Variants in TRHDE observed in about 807,000 individuals in gnomAD.
The protein encoded by TRHDE is thyrotropin releasing hormone degrading enzyme, also known as thyrotropin-releasing hormone-degrading ectoenzyme.
Under a neutral mutation model 125.7 loss-of-function variants are expected in TRHDE, and 72 were observed. The observed-to-expected ratio is 0.57, with a 90% CI of 0.47 to 0.70. The LOEUF (loss-of-function observed/expected upper bound fraction) is 0.70, where lower values mean the gene tolerates loss of function less well. Ranked by LOEUF, TRHDE falls within the 30% of genes least tolerant of loss-of-function variation. The pLI is 0.00. For synonymous variants in TRHDE, 509 were observed against 509.1 expected (o/e 1.00, Z 0.00); for missense variants, 1,110 against 1,327.1 (o/e 0.84, Z 2.54).
At chr12:72,320,455 A>T (rs1332403632) in intron 2 of TRHDE, among the ~76,000 whole-genome samples, 1 of 152,056 alleles carries the variant, frequency 6.6e-6, no homozygotes, top group Non-Finnish European at 1.5e-5. Context: ...TTCAGTGCAG[A>T]TGCAACCATC....
intron 2 of TRHDE, among the ~76,000 whole-genome samples, chr12:72,339,570 A>G (rs1488374059): frequency 6.6e-6 from 1 of 152,092 alleles, no homozygotes; most frequent in Middle Eastern, 3.2e-3. Flanking sequence ...TTTTGCTCTC[A>G]TAGTTATGTT....
At chr12:72,297,650 GAA>G (rs373094670) in intron 2 of TRHDE, among the ~76,000 whole-genome samples, 27 of 152,290 alleles carry the variant, frequency 1.8e-4, no homozygotes, top group African/African-American at 5.8e-4. Context: ...AACACTGAAA[GAA>G]GAGAGTTGTT....
chr12:72,145,840 A>G (rs1248209507), intron 2 of TRHDE, among the ~76,000 whole-genome samples: 1 of 152,202 alleles, frequency 6.6e-6, no homozygotes, highest in Non-Finnish European at 1.5e-5. Flanking sequence ...CAGTGCATGT[A>G]GTGCCCAAAT....
chr12:72,498,650 C>G (rs999726762), intron 5 of TRHDE, among the ~76,000 whole-genome samples: 1 of 152,154 alleles, frequency 6.6e-6, no homozygotes, highest in Non-Finnish European at 1.5e-5. Context: ...CTAGCTGTTT[C>G]TTTAAAGCAG....
intron 2 of TRHDE, among the ~76,000 whole-genome samples, chr12:72,106,629 C>T (rs1254418803): frequency 6.6e-6 from 1 of 152,050 alleles, no homozygotes; most frequent in Non-Finnish European, 1.5e-5. Context: ...CTGTTTGAAA[C>T]CTTGACTATT....
At chr12:72,539,015 C>G (rs1565782935) in intron 6 of TRHDE, among the ~76,000 whole-genome samples, 1 of 151,890 alleles carries the variant, frequency 6.6e-6, no homozygotes, top group African/African-American at 2.4e-5. Context: ...GTGATTTCCA[C>G]TTTCACGCCT....
chr12:72,519,493 A>G (rs1177537489), intron 6 of TRHDE, among the ~76,000 whole-genome samples: 3 of 152,122 alleles, frequency 2.0e-5, no homozygotes, highest in Non-Finnish European at 2.9e-5. Context: ...TTTCAGCTCC[A>G]TCAGCTCCTT....
intron 3 of TRHDE, among the ~76,000 whole-genome samples, chr12:72,386,223 G>C (rs539795165): frequency 6.6e-6 from 1 of 152,226 alleles, no homozygotes; most frequent in East Asian, 1.9e-4. Flanking sequence ...ACCTAATCAG[G>C]GTGTATTTTA....
intron 9 of TRHDE, 147 bp from the exon 10 acceptor site, chr12:72,568,421 A>T (rs1343505101): frequency 2.1e-6 from 1 of 475,346 alleles, no homozygotes; most frequent in Non-Finnish European, 3.7e-6. Flanking sequence ...TTTTTGACCT[A>T]TGCCTTACTT....
At chr12:72,106,624 T>G (rs1483146531) in intron 2 of TRHDE, among the ~76,000 whole-genome samples, 1 of 152,162 alleles carries the variant, frequency 6.6e-6, no homozygotes, top group African/African-American at 2.4e-5. Context: ...TTTACCTGTT[T>G]GAAACCTTGA....
chr12:72,519,125 T>C (rs1416266744), intron 6 of TRHDE, among the ~76,000 whole-genome samples: 2 of 152,122 alleles, frequency 1.3e-5, no homozygotes, highest in Admixed American at 6.5e-5. Context: ...TTATGTGTCT[T>C]GGAGTTGCTC....
intron 18 of TRHDE, 118 bp from the exon 19 acceptor site, chr12:72,662,934 G>A: frequency 9.6e-7 from 1 of 1,042,784 alleles, no homozygotes; most frequent in Non-Finnish European, 1.4e-6. Context: ...AGTGGTCATG[G>A]CATTTTGTTT....
intron 3 of TRHDE, among the ~76,000 whole-genome samples, chr12:72,412,217 A>T (rs1001839533): frequency 6.6e-6 from 1 of 152,144 alleles, no homozygotes; most frequent in Admixed American, 6.6e-5. Context: ...TATATAACCC[A>T]AATCAGCCAA....
Position 72,286,698 on chromosome 12 carries a change from A to G in TRHDE, c.932A>G (p.Gln311Arg), listed in dbSNP as rs1425619248. 6.2e-7 allele frequency: 1 copy of G among 1,613,726 alleles called. No homozygotes were observed. Among genetic ancestry groups the G allele is most frequent in the Non-Finnish European group, 8.5e-7 (1 of 1,179,888 alleles). Residue 311 changes from glutamine to arginine, a missense_variant, in exon 2 of 19, where the codon CAG becomes CGG. This residue lies in a region of TRHDE where 252 missense variants were observed against 274.8 expected (regional missense o/e 0.92). Transcript: ENST00000261180. ...HGERRFLGVTQFSPTHARKAF... is the reference protein window; with the variant it reads ...HGERRFLGVTRFSPTHARKAF... ...TTTTCCAGATTCCTTGGTGTTACTC[A>G]GTTTTCGCCTACACATGCCAGAAAG...
At chr12:72,290,224 G>C (rs1880036208) in intron 2 of TRHDE, among the ~76,000 whole-genome samples, 1 of 152,146 alleles carries the variant, frequency 6.6e-6, no homozygotes. Context: ...TTCTTTGCCA[G>C]GGAGATGTTA....
At chr12:72,424,785 G>A (rs1039738224) in intron 3 of TRHDE, among the ~76,000 whole-genome samples, 4 of 152,026 alleles carry the variant, frequency 2.6e-5, no homozygotes, top group African/African-American at 4.8e-5. Context: ...GGGGGAAGAA[G>A]CAATTTATTC....
At chr12:72,118,517 T>A (rs1875501078) in intron 2 of TRHDE, among the ~76,000 whole-genome samples, 1 of 152,186 alleles carries the variant, frequency 6.6e-6, no homozygotes, top group South Asian at 2.1e-4. Flanking sequence ...TAGCTCTTTG[T>A]TGCTGTGTCT....
intron 6 of TRHDE, among the ~76,000 whole-genome samples, chr12:72,514,638 T>A (rs541262284): frequency 4.0e-4 from 61 of 152,022 alleles, no homozygotes; most frequent in South Asian, 2.5e-3. Flanking sequence ...TTTTTTTTTT[T>A]AATTTATTAT....
intron 4 of TRHDE, 99 bp from the exon 5 acceptor site, chr12:72,472,968 C>A: frequency 2.1e-6 from 2 of 934,076 alleles, no homozygotes; most frequent in Non-Finnish European, 1.7e-6. Flanking sequence ...GGAATGAATT[C>A]CAGTTATAAT....
Sources: allele counts gnomAD v4.1 joint callset (sites outside exome capture counted in the v4.1 genomes callset), GRCh38; gene constraint gnomAD v4.1.1; regional missense constraint gnomAD v4.1.1; transcripts MANE v1.5; gene names NCBI Gene and HGNC (gene_info 2026-07-23, HGNC 2026-07-21).